Variants in RALB observed in about 807,000 individuals in gnomAD.
The protein encoded by RALB is RAS like proto-oncogene B, also known as ras-related protein Ral-B.
A neutral mutation model predicts 21.3 loss-of-function variants in RALB; 16 were observed. That is an observed-to-expected ratio of 0.75 (90% CI 0.51 to 1.14). RALB has a LOEUF of 1.14. Ranked by LOEUF, RALB falls within the 50% of genes most tolerant of loss-of-function variation. The pLI is 0.00. For missense variants in RALB, 161 were observed against 256.2 expected, an observed-to-expected ratio of 0.63 and a Z score of 2.54; for synonymous variants, 93 against 96.1, an observed-to-expected ratio of 0.97 and a Z score of 0.19.
rs1690353577 is a variant in RALB at position 120,293,468 on chromosome 2, G to A, written c.*208G>A. ...AGTGGAAGGGCTGCTTTGTCAGGAG[G>A]TTGTGGAATTTCTTTCTTCTCCCCT... On this transcript the variant is annotated 3_prime_UTR_variant, in exon 5 of 5. Coordinates refer to ENST00000272519, the MANE Select transcript of RALB (RefSeq NM_002881.3). 5 of 370,722 alleles carry A rather than the reference G, an allele frequency of 1.3e-5. No individual in the cohort carries two copies. The highest frequency in any genetic ancestry group is 5.0e-5 in the Admixed American group (1 of 19,886). 23.0% of individuals were successfully genotyped at this position (370,722 alleles called of 1,614,324 possible).
chr2:120,265,588 A>C (rs557863656), intron 1 of RALB, among the ~76,000 whole-genome samples: 2 of 152,268 alleles, frequency 1.3e-5, no homozygotes, highest in South Asian at 4.2e-4. Context: ...AAGTTTCAAC[A>C]TTTCACATCA....
At chr2:120,286,570 C>T (rs78724565) in intron 3 of RALB, among the ~76,000 whole-genome samples, 1,714 of 152,288 alleles carry the variant, frequency 0.011, 33 homozygotes, top group African/African-American at 0.039. Context: ...GGGACGAGAA[C>T]GCGGCTTTAG....
At chr2:120,246,268 C>T (rs921117246) in intron 1 of RALB, among the ~76,000 whole-genome samples, 12 of 152,234 alleles carry the variant, frequency 7.9e-5, no homozygotes, top group Middle Eastern at 3.2e-3. Context: ...GGCACTGCCC[C>T]TCCTGAGGGC....
intron 1 of RALB, among the ~76,000 whole-genome samples, chr2:120,256,008 A>C (rs1477169929): frequency 6.6e-6 from 1 of 152,150 alleles, no homozygotes; most frequent in Non-Finnish European, 1.5e-5. Flanking sequence ...CTACCTTTTG[A>C]ATGAGTTTTC....
intron 4 of RALB, among the ~76,000 whole-genome samples, chr2:120,290,672 C>G (rs1027335598): frequency 2.7e-5 from 4 of 149,984 alleles, no homozygotes; most frequent in Middle Eastern, 6.9e-3. Context: ...AGCATACTTT[C>G]TCATTCAAAT....
intron 1 of RALB, among the ~76,000 whole-genome samples, chr2:120,278,077 G>A (rs1323220264): frequency 6.6e-6 from 1 of 151,570 alleles, no homozygotes; most frequent in Non-Finnish European, 1.5e-5. Context: ...GTGTGAGCAT[G>A]TGTGTGAATG....
In RALB at chr2:120,293,638, G is replaced by A. The variant is rs1225864491; in HGVS notation, c.*378G>A. On this transcript the variant is annotated 3_prime_UTR_variant, in exon 5 of 5. Transcript: ENST00000272519. ...TCCTTCGTTTTGAACTACAGATGTT[G>A]TAGTGGGTTTTGGAGGAGGGAGTGG... The A allele has an allele frequency of 6.2e-6, 1 of 161,780 alleles. No individual in the cohort carries two copies. The highest frequency in any genetic ancestry group is 2.4e-5 in the African/African-American group (1 of 41,760). 10.0% of individuals were successfully genotyped at this position (161,780 alleles called of 1,614,324 possible).
chr2:120,281,261 G>C (rs10427237), intron 2 of RALB, among the ~76,000 whole-genome samples: 1,705 of 152,332 alleles, frequency 0.011, 33 homozygotes, highest in African/African-American at 0.039. Context: ...CCTGCCATGT[G>C]CCGTCTCCAT....
intron 1 of RALB, among the ~76,000 whole-genome samples, chr2:120,259,480 C>T (rs1471611252): frequency 1.3e-5 from 2 of 152,196 alleles, no homozygotes; most frequent in Non-Finnish European, 2.9e-5. Context: ...GAGCTAAACA[C>T]AGGGTGCTGA....
chr2:120,255,629 G>A (rs894209264), intron 1 of RALB, among the ~76,000 whole-genome samples: 4 of 152,228 alleles, frequency 2.6e-5, no homozygotes, highest in African/African-American at 9.7e-5. Context: ...AAAGAAAGAT[G>A]AAGAGGATGT....
chr2:120,278,040 AGT>A (rs928974606), intron 1 of RALB, among the ~76,000 whole-genome samples: 4 of 80,508 alleles, frequency 5.0e-5, no homozygotes, highest in East Asian at 5.7e-4. Context: ...TGAGAGCGTG[AGT>A]GTGTGTGAAT....
chr2:120,287,089 A>G (rs555067045), intron 3 of RALB, among the ~76,000 whole-genome samples: 2 of 152,372 alleles, frequency 1.3e-5, no homozygotes, highest in African/African-American at 4.8e-5. Context: ...CTGAAGAGAA[A>G]AAACCCAAAA....
chr2:120,256,891 A>G (rs536870235), intron 1 of RALB, among the ~76,000 whole-genome samples: 1 of 152,334 alleles, frequency 6.6e-6, no homozygotes, highest in East Asian at 1.9e-4. Context: ...TCCAGACATC[A>G]TTGAGAAAAT....
intron 3 of RALB, among the ~76,000 whole-genome samples, chr2:120,286,499 A>G (rs1305524881): frequency 2.0e-5 from 3 of 152,248 alleles, no homozygotes; most frequent in Non-Finnish European, 2.9e-5. Flanking sequence ...ATGACTGGAA[A>G]GTGAAAGATG....
chr2:120,253,539 G>T (rs1453935338), intron 1 of RALB: 4 of 985,624 alleles, frequency 4.1e-6, no homozygotes, highest in Non-Finnish European at 4.8e-6. Context: ...GCGGCGAAGG[G>T]GCTTCTAAGG....
intron 1 of RALB, among the ~76,000 whole-genome samples, chr2:120,271,053 T>G (rs1406724486): frequency 6.6e-6 from 1 of 152,194 alleles, no homozygotes; most frequent in South Asian, 2.1e-4. Context: ...AGGTTTCCCC[T>G]AGGTTTTCAG....
intron 1 of RALB, among the ~76,000 whole-genome samples, chr2:120,266,206 G>A (rs1270738720): frequency 6.6e-6 from 1 of 152,154 alleles, no homozygotes; most frequent in Non-Finnish European, 1.5e-5. Flanking sequence ...CTTGAGGCTA[G>A]GAGTTTGAGA....
intron 1 of RALB, among the ~76,000 whole-genome samples, chr2:120,247,692 G>C (rs1158021153): frequency 6.6e-6 from 1 of 152,150 alleles, no homozygotes; most frequent in Non-Finnish European, 1.5e-5. Context: ...AGCTTTTTTT[G>C]GTAGCTGCCT....
chr2:120,272,049 A>G (rs892370441), intron 1 of RALB, among the ~76,000 whole-genome samples: 4 of 152,212 alleles, frequency 2.6e-5, no homozygotes, highest in Non-Finnish European at 5.9e-5. Flanking sequence ...CTTAAACAAC[A>G]GGAATTTATT....
Sources: allele counts gnomAD v4.1 joint callset (sites outside exome capture counted in the v4.1 genomes callset), GRCh38; gene constraint gnomAD v4.1.1; transcripts MANE v1.5; gene names NCBI Gene and HGNC (gene_info 2026-07-23, HGNC 2026-07-21).